Variants in ZMYM4 observed in about 807,000 individuals in gnomAD.
The protein encoded by ZMYM4 is zinc finger MYM-type protein 4.
Under a neutral mutation model 183.2 loss-of-function variants are expected in ZMYM4, and 31 were observed. The ratio of observed to expected loss-of-function variants is 0.17; its 90% CI spans 0.13 to 0.23. The LOEUF (loss-of-function observed/expected upper bound fraction) is 0.23. ZMYM4 is among the 10% of genes least tolerant of loss of function. ZMYM4 has a pLI of 1.00. For synonymous variants in ZMYM4, 592 were observed against 631.2 expected, an observed-to-expected ratio of 0.94 and a Z score of 0.93; for missense variants, 1,273 against 1,840.3, an observed-to-expected ratio of 0.69 and a Z score of 5.64.
intron 27 of ZMYM4, 52 bp downstream of exon 27, chr1:35,414,135 TAAC>T: frequency 8.8e-7 from 1 of 1,140,222 alleles, no homozygotes. Flanking sequence ...TTAAATTGCT[TAAC>T]TTTTTTGGTT....
chr1:35,410,338 A>T (rs1301580871), intron 26 of ZMYM4, among the ~76,000 whole-genome samples: 1 of 152,116 alleles, frequency 6.6e-6, no homozygotes, highest in Non-Finnish European at 1.5e-5. Context: ...GTGTTGTAGA[A>T]ACTATATATA....
At chr1:35,294,049 C>T (rs1254123591) in intron 1 of ZMYM4, among the ~76,000 whole-genome samples, 10 of 151,826 alleles carry the variant, frequency 6.6e-5, no homozygotes, top group Admixed American at 6.6e-5. Flanking sequence ...GCAGGAGAAT[C>T]GCTTGAACCC....
Position 35,268,850 on chromosome 1 carries a change from C to A in ZMYM4, c.-197C>A. Reference sequence around the variant, plus strand: ...CCCCGGGCAGGCCCTCCCGCCCACGCGCGGACCCGTGGGATCTCAGAAGCT... The same window carrying A: ...CCCCGGGCAGGCCCTCCCGCCCACGAGCGGACCCGTGGGATCTCAGAAGCT... On this transcript the variant is annotated 5_prime_UTR_variant, in exon 1 of 30. Transcript: ENST00000314607. The A allele has an allele frequency of 8.3e-6, 4 of 483,866 alleles. No homozygotes were observed. Among genetic ancestry groups the A allele is most frequent in the Non-Finnish European group, 1.3e-5 (4 of 309,020 alleles). The allele number at this position is 483,866 out of a possible 1,614,324, so 30.0% of individuals were successfully genotyped here.
chr1:35,419,510 C>A lies in ZMYM4; in HGVS notation c.4480C>A (p.Gln1494Lys). The change falls in exon 30 of 30, where the codon CAA becomes AAA. Residue 1494 changes from glutamine to lysine, a missense_variant. By Grantham distance (53) the Gln-to-Lys change is moderately conservative. Coordinates refer to ENST00000314607, the MANE Select transcript of ZMYM4 (RefSeq NM_005095.3). ...GCAAAGGAATGATGTGTTTTACCTT[C>A]AACCTGAGCGCTCCTGTGTCCCGAA... The part of the protein sequence containing the change: ...VKQRNDVFYL[Q>K]PERSCVPNSP... 6.2e-7 allele frequency: 1 copy of A among 1,613,792 alleles called. No homozygotes were observed. The highest frequency in any genetic ancestry group is 8.5e-7 in the Non-Finnish European group (1 of 1,179,952).
intron 18 of ZMYM4, among the ~76,000 whole-genome samples, chr1:35,395,344 C>G (rs1013860894): frequency 5.3e-5 from 8 of 151,256 alleles, no homozygotes; most frequent in African/African-American, 2.0e-4. Flanking sequence ...GCCTATACTC[C>G]CAGCACTTTG....
intron 15 of ZMYM4, among the ~76,000 whole-genome samples, chr1:35,390,869 A>C (rs918895181): frequency 6.6e-6 from 1 of 152,226 alleles, no homozygotes; most frequent in African/African-American, 2.4e-5. Context: ...ATGGCCTTTT[A>C]AATATACCAT....
chr1:35,378,653 G>T (rs987943343), intron 7 of ZMYM4, among the ~76,000 whole-genome samples: 3 of 152,186 alleles, frequency 2.0e-5, no homozygotes, highest in African/African-American at 7.2e-5. Flanking sequence ...CACCAGCTAT[G>T]TTAGCCCCTA....
At chr1:35,348,712 C>A (rs1292709595) in intron 2 of ZMYM4, among the ~76,000 whole-genome samples, 1 of 152,186 alleles carries the variant, frequency 6.6e-6, no homozygotes, top group Non-Finnish European at 1.5e-5. Flanking sequence ...GTTTCAGACA[C>A]AGCCACACAG....
At chr1:35,283,247 T>C (rs1221617574) in intron 1 of ZMYM4, among the ~76,000 whole-genome samples, 1 of 147,426 alleles carries the variant, frequency 6.8e-6, no homozygotes, top group Non-Finnish European at 1.5e-5. Flanking sequence ...ACTCCTGACC[T>C]CAAGCGATCT....
intron 1 of ZMYM4, among the ~76,000 whole-genome samples, chr1:35,272,668 C>A (rs755391773): frequency 6.6e-6 from 1 of 152,256 alleles, no homozygotes; most frequent in South Asian, 2.1e-4. Context: ...TAGGGATCTT[C>A]TGATTGTTCT....
Position 35,385,380 on chromosome 1 carries a change from C to T in ZMYM4, c.1570-62C>T, listed in dbSNP as rs368676256. On this transcript the variant is annotated intron_variant, in intron 9 of 29. Transcript: ENST00000314607. Reference sequence around the variant, plus strand: ...TCAAAAGTGTTGAGTATAAACATTTCGAAGAATTATGCTTTTACTAGGAAT... The same window carrying T: ...TCAAAAGTGTTGAGTATAAACATTTTGAAGAATTATGCTTTTACTAGGAAT... 162 of 1,512,534 alleles carry T rather than the reference C, an allele frequency of 1.1e-4. 1 individual carries two copies. The African/African-American group carries it at 1.7e-3, about 16-fold the overall frequency. The allele number at this position is 1,512,534 out of a possible 1,614,324, so 93.7% of individuals were successfully genotyped here.
intron 19 of ZMYM4, 165 bp from the exon 20 acceptor site, chr1:35,397,212 G>A (rs1392610192): frequency 9.7e-7 from 1 of 1,032,026 alleles, no homozygotes; most frequent in Non-Finnish European, 1.2e-6. Context: ...TTATTTAAAT[G>A]GCTCTAGTCT....
At chr1:35,394,424 C>G (rs117517907) in intron 18 of ZMYM4, among the ~76,000 whole-genome samples, 3 of 151,888 alleles carry the variant, frequency 2.0e-5, no homozygotes, top group African/African-American at 4.8e-5. Context: ...ACCTCTTGCC[C>G]GTACTCACCA....
intron 2 of ZMYM4, among the ~76,000 whole-genome samples, chr1:35,326,610 C>T (rs1357665547): frequency 1.3e-5 from 2 of 152,064 alleles, no homozygotes; most frequent in Admixed American, 6.6e-5. Context: ...CATGGGTGGC[C>T]GAAGCCTATC....
intron 1 of ZMYM4, among the ~76,000 whole-genome samples, chr1:35,318,152 G>A (rs572681492): frequency 1.2e-4 from 17 of 138,096 alleles, no homozygotes; most frequent in Non-Finnish European, 1.7e-4. Flanking sequence ...TCTGCCTCCC[G>A]GGTTCAAGTG....
rs1200345415 is a variant in ZMYM4 at position 35,388,970 on chromosome 1, G to C, written c.2324G>C (p.Cys775Ser). Residue 775 changes from cysteine to serine, a missense_variant, in exon 14 of 30, where the codon TGC (cysteine) becomes TCC (serine). Cys to Ser is a moderately radical substitution (Grantham distance 112). Coordinates refer to ENST00000314607, the MANE Select transcript of ZMYM4 (RefSeq NM_005095.3). ...AKRWGNHCKM[C>S]SYCLQTSPKL... ...CGCTGGGGAAATCACTGTAAAATGT[G>C]CAGTTATTGTTTACAGACATCTCCC... 6.2e-7 allele frequency: 1 copy of C among 1,614,120 alleles called. No homozygotes were observed.
chr1:35,362,070 T>C (rs1313518145), intron 5 of ZMYM4, among the ~76,000 whole-genome samples: 1 of 152,206 alleles, frequency 6.6e-6, no homozygotes, highest in Non-Finnish European at 1.5e-5. Flanking sequence ...ACAGCAGATA[T>C]GGTTGAAGAT....
chr1:35,332,750 G>A (rs1298573077), intron 2 of ZMYM4, among the ~76,000 whole-genome samples: 1 of 152,098 alleles, frequency 6.6e-6, no homozygotes, highest in Non-Finnish European at 1.5e-5. Flanking sequence ...AGGCTGTAGT[G>A]TAGTGACTAT....
In ZMYM4 at chr1:35,420,889, G is replaced by A. The variant is rs1640303357; in HGVS notation, c.*1212G>A. On this transcript the variant is annotated 3_prime_UTR_variant, in exon 30 of 30. Transcript: ENST00000314607. ...TGCATATCCATAAGCAGGTCTTAGAGCATTATTCCAAACTCTAGCTGTTTC... is the reference window on the plus strand; with the variant it reads ...TGCATATCCATAAGCAGGTCTTAGAACATTATTCCAAACTCTAGCTGTTTC... The A allele has an allele frequency of 6.6e-6, 1 of 152,576 alleles. No homozygotes were observed. Among genetic ancestry groups the A allele is most frequent in the African/African-American group, 2.4e-5 (1 of 41,454 alleles). 9.5% of individuals were successfully genotyped at this position (152,576 alleles called of 1,614,324 possible). A position where few individuals can be genotyped will look rare whatever the true frequency, so the allele number is the denominator to read the frequency against.
Sources: gnomAD v4.1 joint callset for allele counts (sites outside exome capture counted in the v4.1 genomes callset) on GRCh38, gnomAD v4.1.1 for gene constraint, MANE v1.5 for transcripts, NCBI Gene and HGNC (gene_info 2026-07-23, HGNC 2026-07-21) for gene names.